The following TNS1 variants were observed in gnomAD, a reference collection of about 807,000 sequenced individuals.
TNS1 encodes the protein tensin 1.
TNS1 carries 62 observed loss-of-function variants against 168.6 expected under a neutral mutation model. The observed-to-expected ratio is 0.37, with a 90% CI of 0.30 to 0.45. TNS1 has a LOEUF of 0.45. Among genes scored for constraint, TNS1 ranks in the 20% least tolerant of loss-of-function variants. The pLI is 1.00. For synonymous variants in TNS1, 934 were observed against 933.2 expected (o/e 1.00, Z -0.02); for missense variants, 2,240 against 2,339.4 (o/e 0.96, Z 0.88).
At chr2:217,906,432 A>G (rs1386509865) in intron 5 of TNS1, 47 bp from the exon 6 acceptor site, 3 of 702,608 alleles carry the variant, frequency 4.3e-6, no homozygotes, top group Non-Finnish European at 7.8e-6. Flanking sequence ...AAGAAAAATA[A>G]TCAAAATGCA....
upstream of TNS1, among the ~76,000 whole-genome samples, chr2:218,014,411 G>A (rs1958738121): frequency 6.6e-6 from 1 of 152,094 alleles, no homozygotes; most frequent in Admixed American, 6.5e-5. Flanking sequence ...AGGTTCCCAG[G>A]CCCCTCAGCA....
upstream of TNS1, among the ~76,000 whole-genome samples, chr2:218,010,861 C>T (rs1958700074): frequency 6.6e-6 from 1 of 152,216 alleles, no homozygotes; most frequent in African/African-American, 2.4e-5. Context: ...CAAGTAGACA[C>T]ATCCCTGTTC....
At chr2:217,849,819 G>A in intron 18 of TNS1, 1 of 985,450 alleles carries the variant, frequency 1.0e-6, no homozygotes, top group Non-Finnish European at 1.2e-6. Context: ...AGCAGGGGGA[G>A]AACCCAGGAG....
intron 21 of TNS1, among the ~76,000 whole-genome samples, chr2:217,833,773 A>G (rs945846231): frequency 6.6e-6 from 1 of 152,272 alleles, no homozygotes; most frequent in Non-Finnish European, 1.5e-5. Context: ...AAACACACAC[A>G]GGGTTTTAAA....
chr2:217,862,885 A>T (rs1478461791), intron 18 of TNS1, among the ~76,000 whole-genome samples: 1 of 152,194 alleles, frequency 6.6e-6, no homozygotes, highest in Non-Finnish European at 1.5e-5. Context: ...ACAATTCTAC[A>T]ATGAAGACAC....
chr2:218,030,149 T>C (rs1958880450), intron 1 of TNS1, among the ~76,000 whole-genome samples: 1 of 152,074 alleles, frequency 6.6e-6, no homozygotes. Flanking sequence ...CCAATCCATA[T>C]ACACACAGCA....
chr2:217,959,562 T>TTAGCATGGAACCC (rs1957446179), intron 3 of TNS1, among the ~76,000 whole-genome samples: 1 of 151,936 alleles, frequency 6.6e-6, no homozygotes, highest in Admixed American at 6.6e-5. Context: ...GCATGGAACC[T>TTAGCATGGAACCC]TAGCATGGAA....
chr2:217,879,220 A>C (rs930048054), intron 18 of TNS1: 2 of 297,652 alleles, frequency 6.7e-6, no homozygotes, highest in Admixed American at 4.8e-5. Flanking sequence ...GGCACTTTAT[A>C]GTTTACTAAA....
At chr2:217,930,756 G>A (rs1294833055) in intron 3 of TNS1, among the ~76,000 whole-genome samples, 3 of 152,326 alleles carry the variant, frequency 2.0e-5, no homozygotes, top group East Asian at 1.9e-4. Flanking sequence ...GAAGCCAGCC[G>A]CCATGCTAGA....
chr2:217,827,437 G>C (rs775882893), intron 22 of TNS1, among the ~76,000 whole-genome samples: 4 of 152,132 alleles, frequency 2.6e-5, no homozygotes, highest in African/African-American at 4.8e-5. Context: ...GCTTTAGTCT[G>C]ACCCGGGCAG....
intron 1 of TNS1, among the ~76,000 whole-genome samples, chr2:218,028,776 G>A (rs1958869811): frequency 6.6e-6 from 1 of 152,230 alleles, no homozygotes; most frequent in Non-Finnish European, 1.5e-5. Context: ...GGGTCTTGGG[G>A]GTGGAGGTGA....
At chr2:217,819,480 G>A (rs1252885768) in intron 23 of TNS1, among the ~76,000 whole-genome samples, 1 of 152,172 alleles carries the variant, frequency 6.6e-6, no homozygotes, top group Non-Finnish European at 1.5e-5. Flanking sequence ...TTCCTGCATT[G>A]GGAGGTTAGA....
intron 19 of TNS1, among the ~76,000 whole-genome samples, chr2:217,837,221 C>T (rs1945291419): frequency 6.6e-6 from 1 of 151,850 alleles, no homozygotes; most frequent in South Asian, 2.1e-4. Context: ...TGTGCACACA[C>T]ACTGCACACA....
chr2:217,855,715 C>T (rs1197235224), intron 18 of TNS1, among the ~76,000 whole-genome samples: 2 of 152,152 alleles, frequency 1.3e-5, no homozygotes, highest in East Asian at 3.9e-4. Context: ...TCCATAAATG[C>T]TTCTTGCCTT....
intron 3 of TNS1, among the ~76,000 whole-genome samples, chr2:217,932,897 T>C (rs1956395702): frequency 6.6e-6 from 1 of 152,128 alleles, no homozygotes; most frequent in Non-Finnish European, 1.5e-5. Flanking sequence ...TTCTGCACAA[T>C]TAGCGCGCAT....
chr2:217,853,518 A>G (rs1463795895), intron 18 of TNS1, among the ~76,000 whole-genome samples: 1 of 152,096 alleles, frequency 6.6e-6, no homozygotes, highest in East Asian at 1.9e-4. Flanking sequence ...AGGCAGCCCC[A>G]AGTGGAGAGC....
chr2:217,999,330 T>C (rs1206177787), intron 1 of TNS1, among the ~76,000 whole-genome samples: 1 of 152,232 alleles, frequency 6.6e-6, no homozygotes, highest in African/African-American at 2.4e-5. Context: ...CTTTTCTAAA[T>C]GTATGTGTGG....
At chr2:217,950,631 A>C in intron 3 of TNS1, among the ~76,000 whole-genome samples, 1 of 142,304 alleles carries the variant, frequency 7.0e-6, no homozygotes, top group Non-Finnish European at 1.5e-5. Flanking sequence ...CCCTCCTGCC[A>C]CCATCTAGTA....
upstream of TNS1, among the ~76,000 whole-genome samples, chr2:218,007,109 A>G (rs1286155334): frequency 6.6e-6 from 1 of 152,070 alleles, no homozygotes; most frequent in African/African-American, 2.4e-5. Context: ...CCCACATCCA[A>G]CAGGTAAGGG....
Sources: gnomAD v4.1 joint callset for allele counts (sites outside exome capture counted in the v4.1 genomes callset) on GRCh38, gnomAD v4.1.1 for gene constraint, MANE v1.5 for transcripts, NCBI Gene and HGNC (gene_info 2026-07-23, HGNC 2026-07-21) for gene names.